Variants in DLGAP2 observed in about 807,000 individuals in gnomAD.
DLGAP2 encodes disks large-associated protein 2.
DLGAP2 carries 26 observed loss-of-function variants against 100.3 expected under a neutral mutation model. The observed-to-expected ratio is 0.26, with a 90% confidence interval of 0.19 to 0.36. DLGAP2 has a LOEUF of 0.36. Ranked by LOEUF, DLGAP2 falls within the 10% of genes least tolerant of loss-of-function variation. DLGAP2 has a pLI of 1.00. For synonymous variants in DLGAP2, 886 were observed against 630.1 expected (o/e 1.41, Z -6.08); for missense variants, 1,858 against 1,453.2 (o/e 1.28, Z -4.53).
At chr8:1,594,073 C>T (rs1288368240) in intron 6 of DLGAP2, among the ~76,000 whole-genome samples, 1 of 152,208 alleles carries the variant, frequency 6.6e-6, no homozygotes, top group Non-Finnish European at 1.5e-5. Flanking sequence ...GCGAAAACCA[C>T]AGCTACCTTC....
chr8:841,450 A>G (rs1158717955), intron 1 of DLGAP2, among the ~76,000 whole-genome samples: 1 of 152,162 alleles, frequency 6.6e-6, no homozygotes, highest in African/African-American at 2.4e-5. Flanking sequence ...ATTATCTGTT[A>G]TCTAAGGAAC....
chr8:1,295,257 C>G (rs943966724), intron 3 of DLGAP2, among the ~76,000 whole-genome samples: 1 of 152,194 alleles, frequency 6.6e-6, no homozygotes, highest in African/African-American at 2.4e-5. Flanking sequence ...TCCATGCCGT[C>G]TCTTTCTTTC....
At chr8:1,636,227 G>A (rs536588620) in intron 8 of DLGAP2, among the ~76,000 whole-genome samples, 1 of 152,116 alleles carries the variant, frequency 6.6e-6, no homozygotes, top group Non-Finnish European at 1.5e-5. Flanking sequence ...GAAGGAAAAT[G>A]GTGTAAAATT....
At chr8:1,544,262 A>G (rs1435939112) in intron 4 of DLGAP2, among the ~76,000 whole-genome samples, 2 of 152,126 alleles carry the variant, frequency 1.3e-5, no homozygotes, top group African/African-American at 4.8e-5. Flanking sequence ...TGTTATTTTA[A>G]GTGGAATTGC....
At chr8:1,560,538 A>G (rs1802122689) in intron 5 of DLGAP2, among the ~76,000 whole-genome samples, 1 of 152,062 alleles carries the variant, frequency 6.6e-6, no homozygotes, top group Non-Finnish European at 1.5e-5. Context: ...CCTGGGCTGC[A>G]TTGTCTTGGG....
intron 3 of DLGAP2, among the ~76,000 whole-genome samples, chr8:1,413,404 T>G (rs989591712): frequency 1.3e-5 from 2 of 152,100 alleles, no homozygotes; most frequent in African/African-American, 2.4e-5. Context: ...GTTTCAATGC[T>G]CAAGAAGCAT....
At chr8:861,560 C>T (rs1376644168) in intron 1 of DLGAP2, among the ~76,000 whole-genome samples, 1 of 152,174 alleles carries the variant, frequency 6.6e-6, no homozygotes, top group Non-Finnish European at 1.5e-5. Flanking sequence ...AATTAATAAA[C>T]AGTCAGGTAG....
intron 3 of DLGAP2, among the ~76,000 whole-genome samples, chr8:1,353,614 C>T (rs1255479187): frequency 6.6e-6 from 1 of 151,992 alleles, no homozygotes; most frequent in East Asian, 1.9e-4. Context: ...GGACATAACC[C>T]CATTATAAGG....
At chr8:1,664,453 C>T (rs538703894) in intron 8 of DLGAP2, among the ~76,000 whole-genome samples, 57 of 152,288 alleles carry the variant, frequency 3.7e-4, no homozygotes, top group Non-Finnish European at 6.3e-4. Flanking sequence ...GTTCTCAGGA[C>T]GGCCTTTTCA....
chr8:1,107,216 G>T (rs149863808), intron 2 of DLGAP2, among the ~76,000 whole-genome samples: 357 of 152,328 alleles, frequency 2.3e-3, no homozygotes, highest in African/African-American at 7.9e-3. Flanking sequence ...TTTGCTCCAA[G>T]ACTTGGTTTT....
chr8:1,676,021 C>T (rs572925358), intron 10 of DLGAP2, among the ~76,000 whole-genome samples: 75 of 152,262 alleles, frequency 4.9e-4, no homozygotes, highest in Admixed American at 1.2e-3. Flanking sequence ...TCTTAGCAGA[C>T]GTGAGACAGC....
chr8:1,117,597 A>G (rs1487522472), intron 2 of DLGAP2, among the ~76,000 whole-genome samples: 1 of 152,202 alleles, frequency 6.6e-6, no homozygotes, highest in African/African-American at 2.4e-5. Context: ...CTTAGAAATC[A>G]GGACTGAGGG....
chr8:1,194,693 G>A (rs1797712200), intron 2 of DLGAP2, among the ~76,000 whole-genome samples: 1 of 152,198 alleles, frequency 6.6e-6, no homozygotes, highest in Non-Finnish European at 1.5e-5. Context: ...GGGTCGTCCC[G>A]GAGCTGCTTC....
At chr8:1,618,357 A>C (rs543028658) in intron 6 of DLGAP2, among the ~76,000 whole-genome samples, 1 of 152,354 alleles carries the variant, frequency 6.6e-6, no homozygotes, top group Admixed American at 6.5e-5. Flanking sequence ...TAAACATCTC[A>C]ACAGCATTGT....
At chr8:1,645,257 C>G (rs569258031) in intron 8 of DLGAP2, among the ~76,000 whole-genome samples, 5 of 152,334 alleles carry the variant, frequency 3.3e-5, no homozygotes, top group South Asian at 4.1e-4. Context: ...TCTGTAGAAA[C>G]CATACTCTGA....
intron 3 of DLGAP2, among the ~76,000 whole-genome samples, chr8:1,489,233 T>A (rs1037792385): frequency 2.0e-5 from 3 of 151,910 alleles, no homozygotes; most frequent in African/African-American, 4.8e-5. Context: ...ATGCGTGGAG[T>A]TGGAGTTCGT....
intron 3 of DLGAP2, among the ~76,000 whole-genome samples, chr8:1,479,642 G>C (rs554809308): frequency 2.6e-5 from 4 of 152,226 alleles, no homozygotes; most frequent in Non-Finnish European, 4.4e-5. Flanking sequence ...ATTTCGGTGA[G>C]TCATTCATTT....
chr8:1,310,208 A>G (rs1033210766), intron 3 of DLGAP2, among the ~76,000 whole-genome samples: 2 of 152,212 alleles, frequency 1.3e-5, no homozygotes, highest in African/African-American at 4.8e-5. Context: ...AATAAAAGGG[A>G]AATCAAAACA....
At chr8:1,667,109 G>A (rs1018309586) in intron 8 of DLGAP2, among the ~76,000 whole-genome samples, 1 of 152,198 alleles carries the variant, frequency 6.6e-6, no homozygotes, top group African/African-American at 2.4e-5. Flanking sequence ...ACTCTGATGA[G>A]GGGAGCAGAT....
Sources: allele counts gnomAD v4.1 joint callset (sites outside exome capture counted in the v4.1 genomes callset), GRCh38; gene constraint gnomAD v4.1.1; transcripts MANE v1.5; gene names NCBI Gene and HGNC (gene_info 2026-07-23, HGNC 2026-07-21).